FOXP2: variants seen among roughly 807,000 people sequenced by gnomAD.
FOXP2 encodes the protein forkhead box protein P2.
A neutral mutation model predicts 115.8 loss-of-function variants in FOXP2; 12 were observed. The observed-to-expected ratio is 0.10, with a 90% CI of 0.07 to 0.17. FOXP2 has a LOEUF of 0.17. Ranked by LOEUF, FOXP2 falls within the 10% of genes least tolerant of loss-of-function variation. FOXP2 has a pLI of 1.00. For missense variants in FOXP2, 629 were observed against 843.5 expected, an observed-to-expected ratio of 0.75 and a Z score of 3.15; for synonymous variants, 328 against 297.7, an observed-to-expected ratio of 1.10 and a Z score of -1.05.
At chr7:114,556,680 A>G (rs931915249) in intron 3 of FOXP2, among the ~76,000 whole-genome samples, 2 of 152,224 alleles carry the variant, frequency 1.3e-5, no homozygotes, top group Admixed American at 6.5e-5. Context: ...CTCATCCACA[A>G]ACTCTGAGGA....
chr7:114,252,063 C>T (rs1411625763), intron 1 of FOXP2, among the ~76,000 whole-genome samples: 1 of 152,116 alleles, frequency 6.6e-6, no homozygotes, highest in Non-Finnish European at 1.5e-5. Flanking sequence ...TGGTTTTTGC[C>T]TTTGGTTCTG....
At chr7:114,183,539 T>C (rs564055569) in intron 1 of FOXP2, among the ~76,000 whole-genome samples, 1 of 152,278 alleles carries the variant, frequency 6.6e-6, no homozygotes, top group Admixed American at 6.5e-5. Flanking sequence ...TGTGCTGAAT[T>C]AACACTTGTA....
chr7:114,395,565 T>C (rs1414223086), intron 2 of FOXP2, among the ~76,000 whole-genome samples: 2 of 152,168 alleles, frequency 1.3e-5, no homozygotes, highest in African/African-American at 4.8e-5. Context: ...AATTTTTATG[T>C]GTAAGAGAGC....
intron 1 of FOXP2, among the ~76,000 whole-genome samples, chr7:114,173,959 T>C (rs1793218905): frequency 6.6e-6 from 1 of 151,916 alleles, no homozygotes; most frequent in South Asian, 2.1e-4. Flanking sequence ...AGTTAGAATT[T>C]ATATTGATTT....
intron 3 of FOXP2, among the ~76,000 whole-genome samples, chr7:114,619,791 A>T (rs1161959083): frequency 1.3e-5 from 2 of 152,096 alleles, no homozygotes; most frequent in Non-Finnish European, 2.9e-5. Context: ...GAGTTATATT[A>T]TTATCTCATT....
intron 1 of FOXP2, chr7:114,088,093 A>C (rs1256077498): frequency 6.6e-6 from 1 of 152,172 alleles, no homozygotes. Context: ...AATAGCTGCT[A>C]TCTGTAAGGC....
In FOXP2 at chr7:114,467,648, C is replaced by G. The variant is rs548796084; in HGVS notation, c.168+40969C>G. ...GTCTGTTACAAACTGGCAGTCACAT[C>G]GCATACCCTATTATAGTTAGTACAC... On this transcript the variant is annotated intron_variant, in intron 2 of 16. Coordinates refer to ENST00000350908, the MANE Select transcript of FOXP2 (RefSeq NM_014491.4). 3.3e-5 allele frequency among the ~76,000 whole-genome samples: 5 copies of G among 152,210 alleles called. No homozygotes were observed. The South Asian group carries it at 1.0e-3, about 32-fold the overall frequency.
intron 2 of FOXP2, among the ~76,000 whole-genome samples, chr7:114,451,754 T>G (rs900838412): frequency 2.0e-5 from 3 of 152,020 alleles, no homozygotes; most frequent in African/African-American, 7.2e-5. Context: ...TAATAAGTGC[T>G]CTACAGAAAA....
chr7:114,466,014 C>T (rs1282358399), intron 2 of FOXP2, among the ~76,000 whole-genome samples: 1 of 152,112 alleles, frequency 6.6e-6, no homozygotes, highest in Non-Finnish European at 1.5e-5. Context: ...CTCATTATAC[C>T]CAAATCATAT....
intron 3 of FOXP2, among the ~76,000 whole-genome samples, chr7:114,603,897 G>A (rs1161774833): frequency 4.6e-5 from 7 of 152,184 alleles, no homozygotes; most frequent in African/African-American, 9.6e-5. Context: ...GGTATTTTAA[G>A]GTTCTTAATT....
intron 1 of FOXP2, among the ~76,000 whole-genome samples, chr7:114,278,062 A>G (rs1213641680): frequency 6.7e-6 from 1 of 149,814 alleles, no homozygotes; most frequent in Non-Finnish European, 1.5e-5. Flanking sequence ...TTCATCCGGG[A>G]TATAGAATAA....
At chr7:114,427,337 A>T (rs1393912015) in intron 2 of FOXP2, among the ~76,000 whole-genome samples, 1 of 151,552 alleles carries the variant, frequency 6.6e-6, no homozygotes, top group Non-Finnish European at 1.5e-5. Context: ...TACAAAATAA[A>T]GGTACACTTT....
intron 1 of FOXP2, among the ~76,000 whole-genome samples, chr7:114,169,519 T>A (rs1038981969): frequency 6.6e-6 from 1 of 152,230 alleles, no homozygotes; most frequent in Admixed American, 6.5e-5. Flanking sequence ...CTTCATTGTA[T>A]CTAGGAAGTA....
rs398005920 is a variant in FOXP2, at chr7:114,378,684, CA to C, written c.-10-47801del. On this transcript the variant is annotated intron_variant, in intron 2 of 17. Coordinates refer to the FOXP2 transcript ENST00000634411. ...GTGAGACAATGTAAGACCCTGTCTC[CA>C]AAAAAAAAAAAAAAAAGGAAAAGAA... Among the ~76,000 whole-genome samples the C allele has an allele frequency of 1.3e-3, 24 of 18,096 alleles. 1 individual carries two copies. The highest frequency in any genetic ancestry group is 2.6e-3 in the African/African-American group (14 of 5,288). 11.9% of individuals were successfully genotyped at this position (18,096 alleles called of 152,430 possible).
chr7:114,632,886 C>T (rs1804998210), intron 6 of FOXP2, among the ~76,000 whole-genome samples: 1 of 151,744 alleles, frequency 6.6e-6, no homozygotes, highest in African/African-American at 2.4e-5. Flanking sequence ...TAAATCATAG[C>T]GTCATTATAT....
intron 2 of FOXP2, among the ~76,000 whole-genome samples, chr7:114,406,634 G>T (rs537969714): frequency 1.3e-5 from 2 of 151,946 alleles, no homozygotes; most frequent in Non-Finnish European, 2.9e-5. Flanking sequence ...TTCTGAAAAA[G>T]AATTGAGTCA....
chr7:114,628,557 C>T lies in FOXP2; in HGVS notation c.276C>T (p.Ala92=), dbSNP rs751403410. The change falls in exon 4 of 17, where the codon GCC becomes GCT. Residue 92 remains alanine, a synonymous_variant. Transcript: ENST00000350908. ...QRPLQVPVSV[A]MMTPQVITPQ... is the part of the protein sequence containing the mutation. ...TGTGCAAGGTGCCTGTGTCAGTGGC[C>T]ATGATGACTCCCCAGGTGATCACCC... 6.2e-7 allele frequency: 1 copy of T among 1,613,890 alleles called. No individual in the cohort carries two copies. The highest frequency in any genetic ancestry group is 1.3e-5 in the African/African-American group (1 of 74,888).
At chr7:114,276,940 A>G (rs1229271207) in intron 1 of FOXP2, among the ~76,000 whole-genome samples, 2 of 152,212 alleles carry the variant, frequency 1.3e-5, no homozygotes, top group Non-Finnish European at 2.9e-5. Context: ...TAATCTAATA[A>G]TACTATGGAA....
In FOXP2 at chr7:114,631,524, C is replaced by A. The variant is rs1003261210; in HGVS notation, c.598-4C>A. Reference sequence around the variant, plus strand: ...GTTTACTGGTTTGGGTTTTCTGATACCAGCAGCAGCAGCAGCAGCAGCAGC... The same window carrying A: ...GTTTACTGGTTTGGGTTTTCTGATAACAGCAGCAGCAGCAGCAGCAGCAGC... On this transcript the variant is annotated splice_region_variant and splice_polypyrimidine_tract_variant and intron_variant, in intron 5 of 16. Coordinates refer to ENST00000350908, the MANE Select transcript of FOXP2 (RefSeq NM_014491.4). 2 of 1,456,460 alleles carry A rather than the reference C, an allele frequency of 1.4e-6. No homozygotes were observed. The highest frequency in any genetic ancestry group is 2.8e-5 in the African/African-American group (2 of 71,046). The allele number at this position is 1,456,460 out of a possible 1,614,324, so 90.2% of individuals were successfully genotyped here. A position where few individuals can be genotyped will look rare whatever the true frequency, so the allele number is the denominator to read the frequency against.
Sources: gnomAD v4.1 joint callset for allele counts (sites outside exome capture counted in the v4.1 genomes callset) on GRCh38, gnomAD v4.1.1 for gene constraint, MANE v1.5 for transcripts, NCBI Gene and HGNC (gene_info 2026-07-23, HGNC 2026-07-21) for gene names.